The following PHF6 variants were observed in gnomAD, a reference collection of about 807,000 sequenced individuals.
The protein encoded by PHF6 is PHD-like zinc finger protein.
In PHF6, 7 loss-of-function variants were observed where a neutral mutation model predicts 34.0. The observed-to-expected ratio is 0.21, with a 90% CI of 0.12 to 0.39. The LOEUF (loss-of-function observed/expected upper bound fraction) is 0.39. PHF6 is among the 10% of genes least tolerant of loss of function. The pLI, the probability that PHF6 is intolerant of heterozygous loss-of-function variation, is 1.00. For synonymous variants in PHF6, 89 were observed against 88.4 expected, an observed-to-expected ratio of 1.01 and a Z score of -0.04; for missense variants, 128 against 262.8, an observed-to-expected ratio of 0.49 and a Z score of 3.55.
At chrX:134,395,886 G>A (rs915671125) in intron 5 of PHF6, among the ~76,000 whole-genome samples, 3 of 111,536 alleles carry the variant, frequency 2.7e-5, no homozygotes, top group Non-Finnish European at 3.8e-5. Flanking sequence ...AAAATATGAC[G>A]GAAAAAACCT....
At chrX:134,414,728 A>G (rs2077465885) in intron 7 of PHF6, among the ~76,000 whole-genome samples, 1 of 111,678 alleles carries the variant, frequency 9.0e-6, no homozygotes, top group African/African-American at 3.2e-5. Flanking sequence ...ACTTTGTGGA[A>G]ATGTAAAATA....
intron 5 of PHF6, among the ~76,000 whole-genome samples, chrX:134,397,314 G>A (rs1461059676): frequency 8.9e-6 from 1 of 111,789 alleles, no homozygotes; most frequent in Non-Finnish European, 1.9e-5. Context: ...AGTGGTGATG[G>A]GCTTAGATAA....
chrX:134,400,063 C>T (rs1232019183), intron 5 of PHF6, among the ~76,000 whole-genome samples: 1 of 111,082 alleles, frequency 9.0e-6, no homozygotes, highest in Non-Finnish European at 1.9e-5. Flanking sequence ...TGGTCTCTTT[C>T]ACTTAATTGC....
At chrX:134,382,980 C>G (rs1261319601) in intron 3 of PHF6, among the ~76,000 whole-genome samples, 2 of 110,800 alleles carry the variant, frequency 1.8e-5, no homozygotes, top group East Asian at 5.6e-4. Context: ...GATTGGCTGA[C>G]ACGTGTAATC....
intron 7 of PHF6, 95 bp from the exon 8 acceptor site, chrX:134,414,921 T>C: frequency 4.4e-6 from 3 of 682,658 alleles, no homozygotes; most frequent in Non-Finnish European, 6.7e-6. Flanking sequence ...AGATTATCTT[T>C]CTTCGGAAAT....
chrX:134,409,085 C>G (rs1187784878), intron 5 of PHF6, among the ~76,000 whole-genome samples: 3 of 111,914 alleles, frequency 2.7e-5, no homozygotes, highest in Non-Finnish European at 3.8e-5. Flanking sequence ...AGTCAAATAT[C>G]CCAGTCTTTT....
intron 5 of PHF6, among the ~76,000 whole-genome samples, chrX:134,401,275 C>T (rs1228334284): frequency 9.0e-6 from 1 of 111,473 alleles, no homozygotes; most frequent in Non-Finnish European, 1.9e-5. Flanking sequence ...CCATCTTCCT[C>T]CTCCTAAGTT....
intron 5 of PHF6, among the ~76,000 whole-genome samples, chrX:134,412,011 C>A (rs957491638): frequency 1.8e-5 from 2 of 112,061 alleles, no homozygotes; most frequent in African/African-American, 6.5e-5. Flanking sequence ...GGATTACAGG[C>A]GTGAGCCACC....
chrX:134,418,832 A>G (rs2077481007), intron 9 of PHF6: 1 of 104,890 alleles, frequency 9.5e-6, no homozygotes, highest in Non-Finnish European at 1.9e-5. Context: ...CTGTAGACCA[A>G]TCTCCCCTTT....
intron 5 of PHF6, among the ~76,000 whole-genome samples, chrX:134,405,618 A>G (rs1290563837): frequency 9.0e-6 from 1 of 111,371 alleles, no homozygotes; most frequent in Non-Finnish European, 1.9e-5. Context: ...AACTTAGGCA[A>G]AAGTAGAAAT....
At position 134,377,610 on chromosome X, in the gene PHF6, T is replaced by G; in HGVS notation, c.-8T>G. Reference sequence around the variant, plus strand: ...TTAAAGTGGCATTCTAAAGGCAATTTAAAAATCATGTCAAGCTCAGTTGAA... The same window carrying G: ...TTAAAGTGGCATTCTAAAGGCAATTGAAAAATCATGTCAAGCTCAGTTGAA... On this transcript the variant is annotated 5_prime_UTR_variant, in exon 2 of 11. Coordinates refer to ENST00000370803, the MANE Select transcript of PHF6 (RefSeq NM_001015877.2). 1.2e-5 allele frequency: 14 copies of G among 1,206,775 alleles called. No individual in the cohort carries two copies. The highest frequency in any genetic ancestry group is 1.6e-5 in the Non-Finnish European group (14 of 892,841).
chrX:134,394,097 A>G, intron 5 of PHF6, 145 bp downstream of exon 5: 2 of 565,001 alleles, frequency 3.5e-6, no homozygotes, highest in Non-Finnish European at 5.8e-6. Flanking sequence ...AAGTGTTAGG[A>G]TAAACTAATG....
intron 5 of PHF6, among the ~76,000 whole-genome samples, chrX:134,409,406 T>C (rs2077439931): frequency 8.9e-6 from 1 of 111,789 alleles, no homozygotes; most frequent in Non-Finnish European, 1.9e-5. Context: ...CTGCTATTGC[T>C]TTATAGTATA....
At position 134,413,784 on chromosome X, in the gene PHF6, T is replaced by C. The variant is rs184016872; in HGVS notation, c.586-39T>C. 3.1e-3 allele frequency: 3,767 copies of C among 1,207,306 alleles called. 8 individuals are homozygous for C. Among genetic ancestry groups the C allele is most frequent in the Admixed American group, 3.8e-3 (175 of 45,662 alleles). ...TTGAAATACCGATAGCATATTTTCATGATTTTTTTTAAGTTCGTTTTTTCT... is the reference window on the plus strand; with the variant it reads ...TTGAAATACCGATAGCATATTTTCACGATTTTTTTTAAGTTCGTTTTTTCT... On this transcript the variant is annotated intron_variant, in intron 6 of 10. Transcript: ENST00000370803.
At chrX:134,392,289 A>G (rs1303802665) in intron 3 of PHF6, among the ~76,000 whole-genome samples, 1 of 112,329 alleles carries the variant, frequency 8.9e-6, no homozygotes, top group East Asian at 2.8e-4. Flanking sequence ...GTGTCCAGCA[A>G]CCAAGAAGCA....
intron 10 of PHF6, 39 bp downstream of exon 10, chrX:134,425,369 C>A: frequency 8.4e-7 from 1 of 1,188,634 alleles, no homozygotes; most frequent in Non-Finnish European, 1.1e-6. Context: ...TGTCAGGATA[C>A]AATACACACT....
intron 5 of PHF6, among the ~76,000 whole-genome samples, chrX:134,399,686 G>GACACAC (rs749494093): frequency 2.1e-5 from 2 of 95,515 alleles, no homozygotes; most frequent in African/African-American, 4.1e-5. Context: ...CACACACACA[G>GACACAC]ACACACACAC....
intron 5 of PHF6, among the ~76,000 whole-genome samples, chrX:134,411,967 C>T (rs1006265141): frequency 1.8e-5 from 2 of 111,846 alleles, no homozygotes; most frequent in African/African-American, 6.5e-5. Flanking sequence ...CTCCTGACCT[C>T]GTGATCTGTT....
At chrX:134,404,243 A>T (rs1382563516) in intron 5 of PHF6, among the ~76,000 whole-genome samples, 1 of 112,157 alleles carries the variant, frequency 8.9e-6, no homozygotes, top group Non-Finnish European at 1.9e-5. Flanking sequence ...TGTTAACGGG[A>T]ATTTGGAAGA....
Sources: gnomAD v4.1 joint callset for allele counts (sites outside exome capture counted in the v4.1 genomes callset) on GRCh38, gnomAD v4.1.1 for gene constraint, MANE v1.5 for transcripts, NCBI Gene and HGNC (gene_info 2026-07-23, HGNC 2026-07-21) for gene names.